FOXP1: variants seen among roughly 807,000 people sequenced by gnomAD.
FOXP1 encodes the protein forkhead box P1, also known as forkhead box protein P1.
Under a neutral mutation model 98.2 loss-of-function variants are expected in FOXP1, and 15 were observed. The ratio of observed to expected loss-of-function variants is 0.15; its 90% confidence interval spans 0.10 to 0.24. FOXP1 has a LOEUF of 0.24. Among genes scored for constraint, FOXP1 ranks in the 10% least tolerant of loss-of-function variants. FOXP1 has a pLI of 1.00. For synonymous variants in FOXP1, 371 were observed against 314.5 expected (o/e 1.18, Z -1.90); for missense variants, 633 against 848.5 (o/e 0.75, Z 3.15).
At chr3:71,020,085 T>C (rs2045203259) in intron 11 of FOXP1, among the ~76,000 whole-genome samples, 1 of 152,178 alleles carries the variant, frequency 6.6e-6, no homozygotes, top group Non-Finnish European at 1.5e-5. Flanking sequence ...TCTGAATATA[T>C]AAAACACAGA....
chr3:71,164,807 T>C (rs890848213), intron 6 of FOXP1, among the ~76,000 whole-genome samples: 2 of 152,328 alleles, frequency 1.3e-5, no homozygotes, highest in African/African-American at 2.4e-5. Flanking sequence ...AAATGTTTTA[T>C]CATACAACCA....
chr3:70,995,544 C>T (rs1304825019), intron 13 of FOXP1, among the ~76,000 whole-genome samples: 2 of 152,054 alleles, frequency 1.3e-5, no homozygotes, highest in Non-Finnish European at 2.9e-5. Flanking sequence ...TGTCATCGAC[C>T]CAAATGATTT....
At chr3:71,149,080 G>T (rs1230639408) in intron 6 of FOXP1, among the ~76,000 whole-genome samples, 5 of 152,202 alleles carry the variant, frequency 3.3e-5, no homozygotes, top group African/African-American at 7.2e-5. Context: ...TATTAGGCCA[G>T]GTTCTGTGTC....
chr3:71,324,915 G>C (rs1179912988), intron 4 of FOXP1, among the ~76,000 whole-genome samples: 2 of 152,306 alleles, frequency 1.3e-5, no homozygotes, highest in East Asian at 3.9e-4. Flanking sequence ...GCAAGCCCTA[G>C]GCCATGCCCC....
chr3:71,152,611 G>A (rs1275511410), intron 6 of FOXP1, among the ~76,000 whole-genome samples: 1 of 152,082 alleles, frequency 6.6e-6, no homozygotes, highest in Non-Finnish European at 1.5e-5. Context: ...CTGCTCCTGT[G>A]CCCTAGGTCT....
intron 20 of FOXP1, among the ~76,000 whole-genome samples, chr3:70,961,442 G>A (rs2033476807): frequency 6.6e-6 from 1 of 150,842 alleles, no homozygotes; most frequent in South Asian, 2.1e-4. Context: ...TATTGGTGAG[G>A]CTGGTCTTGA....
At chr3:71,198,853 G>A (rs527704558) in intron 5 of FOXP1, among the ~76,000 whole-genome samples, 8 of 151,748 alleles carry the variant, frequency 5.3e-5, no homozygotes, top group South Asian at 4.2e-4. Context: ...CACCATGCCC[G>A]GCTAATTTTT....
At chr3:71,377,604 TC>T (rs1451276074) in intron 3 of FOXP1, among the ~76,000 whole-genome samples, 1 of 152,196 alleles carries the variant, frequency 6.6e-6, no homozygotes, top group Non-Finnish European at 1.5e-5. Context: ...TGAAACTAGA[TC>T]TTTTTCCCAA....
intron 11 of FOXP1, among the ~76,000 whole-genome samples, chr3:71,016,344 C>G (rs749122357): frequency 2.0e-5 from 3 of 152,134 alleles, no homozygotes; most frequent in Non-Finnish European, 2.9e-5. Flanking sequence ...TCTGGCCACA[C>G]GGATCCAAGT....
At chr3:71,382,136 A>AT (rs1429380335) in intron 3 of FOXP1, among the ~76,000 whole-genome samples, 1 of 152,024 alleles carries the variant, frequency 6.6e-6, no homozygotes, top group African/African-American at 2.4e-5. Flanking sequence ...TTGGCTGGGC[A>AT]TGGTGGTGCA....
chr3:71,005,774 T>A (rs745684315), intron 12 of FOXP1, among the ~76,000 whole-genome samples: 1 of 152,020 alleles, frequency 6.6e-6, no homozygotes. Flanking sequence ...AAAGGAAAAG[T>A]AGAGCGCTTC....
chr3:71,128,879 G>T (rs1312569068), intron 6 of FOXP1, among the ~76,000 whole-genome samples: 2 of 151,470 alleles, frequency 1.3e-5, no homozygotes, highest in African/African-American at 4.9e-5. Context: ...AGCCTTAAGG[G>T]TTAACTCACT....
chr3:70,972,477 C>G, intron 18 of FOXP1, 78 bp downstream of exon 18: 2 of 1,591,094 alleles, frequency 1.3e-6, no homozygotes. Context: ...CTAACACCAT[C>G]TAGCAGCCAA....
At chr3:71,216,287 A>G (rs1017312871) in intron 5 of FOXP1, among the ~76,000 whole-genome samples, 5 of 152,224 alleles carry the variant, frequency 3.3e-5, no homozygotes, top group Non-Finnish European at 7.3e-5. Context: ...ACAAACTTTA[A>G]GAATTTAAGT....
chr3:71,211,787 T>C (rs2064488264), intron 5 of FOXP1, among the ~76,000 whole-genome samples: 1 of 152,164 alleles, frequency 6.6e-6, no homozygotes, highest in Admixed American at 6.5e-5. Flanking sequence ...CCGGAGCTAG[T>C]TTCCCAAGCC....
intron 2 of FOXP1, among the ~76,000 whole-genome samples, chr3:71,541,307 A>T (rs1018988528): frequency 1.3e-5 from 2 of 152,242 alleles, no homozygotes; most frequent in Non-Finnish European, 2.9e-5. Context: ...AGAAGAGAAA[A>T]GCATTTTTTA....
intron 7 of FOXP1, among the ~76,000 whole-genome samples, chr3:71,071,323 G>C (rs1168504516): frequency 1.3e-5 from 2 of 152,182 alleles, no homozygotes; most frequent in African/African-American, 4.8e-5. Context: ...GGTTCATGTA[G>C]TTTCCAGACA....
At chr3:71,084,353 G>GT (rs1403718742) in intron 7 of FOXP1, among the ~76,000 whole-genome samples, 158 of 145,822 alleles carry the variant, frequency 1.1e-3, no homozygotes, top group African/African-American at 1.8e-3. Context: ...AGTGTGTGTG[G>GT]TTTTTTTTTT....
intron 6 of FOXP1, among the ~76,000 whole-genome samples, chr3:71,191,513 T>C (rs1279120512): frequency 2.6e-5 from 4 of 152,238 alleles, no homozygotes; most frequent in Admixed American, 2.6e-4. Flanking sequence ...ACAGGTCTTT[T>C]TTCTTCTTTT....
Sources: gnomAD v4.1 joint callset for allele counts (sites outside exome capture counted in the v4.1 genomes callset) on GRCh38, gnomAD v4.1.1 for gene constraint, MANE v1.5 for transcripts, NCBI Gene and HGNC (gene_info 2026-07-23, HGNC 2026-07-21) for gene names.